TTC7B: variants seen among roughly 807,000 people sequenced by gnomAD.
TTC7B encodes the protein tetratricopeptide repeat domain 7B.
A neutral mutation model predicts 106.8 loss-of-function variants in TTC7B; 28 were observed. The ratio of observed to expected loss-of-function variants is 0.26; its 90% CI spans 0.19 to 0.36. The LOEUF is 0.36. Ranked by LOEUF, TTC7B falls within the 10% of genes least tolerant of loss-of-function variation. TTC7B has a pLI of 1.00. For missense variants in TTC7B, 862 were observed against 1,076.4 expected (o/e 0.80, Z 2.79); for synonymous variants, 405 against 430.6 (o/e 0.94, Z 0.74).
At position 90,644,152 on chromosome 14, in the gene TTC7B, G is replaced by C; in HGVS notation, c.1647C>G (p.Ala549=). Residue 549 remains alanine, a synonymous_variant, in exon 15 of 20, where the codon GCC becomes GCG. Transcript: ENST00000328459. The part of the protein sequence containing the change: ...RQALQLQGDD[A]NSLHLLALLL... ...GGAGGGCAAGGAGGTGCAGGGAGTTGGCATCGTCACCTTGAAGCTGAAGAG... is the reference window on the plus strand; with the variant it reads ...GGAGGGCAAGGAGGTGCAGGGAGTTCGCATCGTCACCTTGAAGCTGAAGAG... The C allele has an allele frequency of 1.2e-6, 2 of 1,613,702 alleles. No homozygotes were observed. Among genetic ancestry groups the C allele is most frequent in the Non-Finnish European group, 1.7e-6 (2 of 1,179,880 alleles).
intron 13 of TTC7B, 104 bp from the exon 14 acceptor site, chr14:90,647,127 G>T: frequency 1.1e-6 from 1 of 908,456 alleles, no homozygotes; most frequent in East Asian, 2.5e-5. Context: ...CTAAGGGCCC[G>T]TATTTATTTA....
At chr14:90,676,268 T>C (rs560902987) in intron 9 of TTC7B, 57 of 353,324 alleles carry the variant, frequency 1.6e-4, no homozygotes, top group African/African-American at 1.1e-3. Context: ...AATGTTTGCC[T>C]TCCCTCACAC....
chr14:90,604,526 C>T (rs958198242), intron 17 of TTC7B, among the ~76,000 whole-genome samples: 7 of 152,060 alleles, frequency 4.6e-5, no homozygotes, highest in Admixed American at 6.6e-5. Flanking sequence ...CTGAACAAAG[C>T]GGGTGAGCCA....
At chr14:90,630,930 C>T (rs1326935990) in intron 15 of TTC7B, among the ~76,000 whole-genome samples, 1 of 150,492 alleles carries the variant, frequency 6.6e-6, no homozygotes, top group Non-Finnish European at 1.5e-5. Context: ...TGCCTCCTGG[C>T]TTCACGCCAT....
chr14:90,548,707 C>G (rs1329144840), intron 19 of TTC7B, among the ~76,000 whole-genome samples: 1 of 152,206 alleles, frequency 6.6e-6, no homozygotes, highest in Non-Finnish European at 1.5e-5. Context: ...AATAAATGAG[C>G]AGACCCAGAA....
At chr14:90,630,560 T>C (rs1270245613) in intron 15 of TTC7B, among the ~76,000 whole-genome samples, 3 of 152,242 alleles carry the variant, frequency 2.0e-5, no homozygotes, top group African/African-American at 7.2e-5. Flanking sequence ...ACATTCACAC[T>C]GTTGTGCAAC....
At chr14:90,779,094 G>A (rs527484971) in intron 3 of TTC7B, among the ~76,000 whole-genome samples, 5 of 152,160 alleles carry the variant, frequency 3.3e-5, no homozygotes, top group South Asian at 2.1e-4. Flanking sequence ...AGTCAGTCAC[G>A]GAACGTGGTT....
intron 19 of TTC7B, among the ~76,000 whole-genome samples, chr14:90,573,445 CAGCTCA>C (rs1566777209): frequency 1.8e-3 from 205 of 110,850 alleles, no homozygotes; most frequent in South Asian, 3.1e-3. Flanking sequence ...CGGTCCCTCT[CAGCTCA>C]CGGTCCCTCT....
At chr14:90,738,084 G>C (rs1161035105) in intron 4 of TTC7B, among the ~76,000 whole-genome samples, 1 of 151,884 alleles carries the variant, frequency 6.6e-6, no homozygotes, top group Admixed American at 6.6e-5. Flanking sequence ...TGAATTGTAT[G>C]GTAACAGTAA....
chr14:90,771,017 T>C (rs960042141), intron 3 of TTC7B, among the ~76,000 whole-genome samples: 1 of 151,920 alleles, frequency 6.6e-6, no homozygotes, highest in African/African-American at 2.4e-5. Flanking sequence ...AGACAGAAAG[T>C]AGAATGGTGT....
At chr14:90,598,831 T>C (rs1410865804) in intron 17 of TTC7B, among the ~76,000 whole-genome samples, 1 of 152,184 alleles carries the variant, frequency 6.6e-6, no homozygotes, top group Non-Finnish European at 1.5e-5. Context: ...TCCAAAGGGA[T>C]CCCAGCACCA....
chr14:90,743,211 A>G (rs561233423), intron 4 of TTC7B, among the ~76,000 whole-genome samples: 1 of 152,258 alleles, frequency 6.6e-6, no homozygotes, highest in East Asian at 1.9e-4. Context: ...ATCTTAAACC[A>G]TGGCTTATAA....
intron 7 of TTC7B, among the ~76,000 whole-genome samples, chr14:90,684,059 A>C (rs1887158964): frequency 8.9e-6 from 1 of 112,718 alleles, no homozygotes; most frequent in South Asian, 2.7e-4. Context: ...ATCCTTACCA[A>C]AAACTGGAAA....
chr14:90,650,899 TG>T (rs1283424933), intron 13 of TTC7B, among the ~76,000 whole-genome samples: 2 of 152,226 alleles, frequency 1.3e-5, no homozygotes, highest in African/African-American at 4.8e-5. Flanking sequence ...CCAACCTGGA[TG>T]TCTTCAAAAA....
intron 15 of TTC7B, among the ~76,000 whole-genome samples, chr14:90,641,197 A>G (rs1885154379): frequency 2.0e-5 from 3 of 152,168 alleles, no homozygotes; most frequent in Admixed American, 6.5e-5. Flanking sequence ...AGCTTATTCA[A>G]AGTACTTAAA....
chr14:90,754,774 TTCTG>T (rs1319104645), intron 3 of TTC7B, among the ~76,000 whole-genome samples: 1 of 152,190 alleles, frequency 6.6e-6, no homozygotes, highest in East Asian at 1.9e-4. Context: ...CCAATCTGCT[TTCTG>T]TCTGTCTGTA....
Position 90,759,398 on chromosome 14 carries a change from G to A in TTC7B, c.446-14476C>T, listed in dbSNP as rs980349595. Among the ~76,000 whole-genome samples the A allele has an allele frequency of 6.6e-6, 1 of 152,200 alleles. No homozygotes were observed. Among genetic ancestry groups the A allele is most frequent in the African/African-American group, 2.4e-5 (1 of 41,450 alleles). ...AGGAGTTTTAAAATATAAAACACGAGTCTGGCCTAGGTGATGTCTTACAAC... is the reference window on the plus strand; with the variant it reads ...AGGAGTTTTAAAATATAAAACACGAATCTGGCCTAGGTGATGTCTTACAAC... On this transcript the variant is annotated intron_variant, in intron 3 of 19. Coordinates refer to ENST00000328459, the MANE Select transcript of TTC7B (RefSeq NM_001010854.2). This position sits in a 1 kb window ranked among gnomAD's most constrained non-coding sequence, Gnocchi z 4.1.
At chr14:90,812,155 C>T (rs926925666) in intron 1 of TTC7B, among the ~76,000 whole-genome samples, 5 of 152,178 alleles carry the variant, frequency 3.3e-5, no homozygotes, top group African/African-American at 1.2e-4. Context: ...TCTGAGCTGG[C>T]TGAGCAGGGA....
At chr14:90,770,947 A>G (rs533695655) in intron 3 of TTC7B, among the ~76,000 whole-genome samples, 1 of 152,362 alleles carries the variant, frequency 6.6e-6, no homozygotes, top group South Asian at 2.1e-4. Context: ...GCCAATCACA[A>G]AAAGGCAAAT....
Sources: gnomAD v4.1 joint callset for allele counts (sites outside exome capture counted in the v4.1 genomes callset) on GRCh38, gnomAD v4.1.1 for gene constraint, Gnocchi (gnomAD v3.1) non-coding constraint, MANE v1.5 for transcripts, NCBI Gene and HGNC (gene_info 2026-07-23, HGNC 2026-07-21) for gene names.